Variants in MET observed in about 807,000 individuals in gnomAD.
MET encodes the protein MET proto-oncogene, receptor tyrosine kinase.
A neutral mutation model predicts 133.1 loss-of-function variants in MET; 48 were observed. The observed-to-expected ratio is 0.36, with a 90% CI of 0.29 to 0.46. The LOEUF (loss-of-function observed/expected upper bound fraction) is 0.46. Ranked by LOEUF, MET falls within the 20% of genes least tolerant of loss-of-function variation. MET has a pLI of 1.00. For missense variants in MET, 1,442 were observed against 1,695.9 expected (o/e 0.85, Z 2.63); for synonymous variants, 628 against 616.5 (o/e 1.02, Z -0.28).
chr7:116,693,791 A>G (rs1796860650), intron 1 of MET, among the ~76,000 whole-genome samples: 1 of 152,184 alleles, frequency 6.6e-6, no homozygotes, highest in Non-Finnish European at 1.5e-5. Flanking sequence ...AGTATCTGAC[A>G]CTTAGATGCT....
At chr7:116,768,201 A>T (rs1338333346) in intron 11 of MET, among the ~76,000 whole-genome samples, 2 of 152,122 alleles carry the variant, frequency 1.3e-5, no homozygotes, top group African/African-American at 4.8e-5. Context: ...TAAGTATTGG[A>T]AACACAAATG....
chr7:116,752,047 C>T (rs919050790), intron 5 of MET, among the ~76,000 whole-genome samples: 2 of 151,704 alleles, frequency 1.3e-5, no homozygotes, highest in Admixed American at 6.6e-5. Context: ...GATGACAGAA[C>T]GAGACTCTGT....
chr7:116,698,990 T>C (rs1797061005), intron 1 of MET, 81 bp from the exon 2 acceptor site: 3 of 1,590,686 alleles, frequency 1.9e-6, no homozygotes, highest in Non-Finnish European at 2.6e-6. Flanking sequence ...TTATTTCTGA[T>C]AGATTAAATG....
chr7:116,691,631 C>T (rs1039379981), intron 1 of MET, among the ~76,000 whole-genome samples: 5 of 152,184 alleles, frequency 3.3e-5, no homozygotes, highest in Admixed American at 6.5e-5. Context: ...TGCCTCCCTC[C>T]GTGTCTGGGC....
intron 1 of MET, among the ~76,000 whole-genome samples, chr7:116,680,085 G>C (rs556070899): frequency 1.3e-5 from 2 of 151,736 alleles, no homozygotes; most frequent in African/African-American, 4.8e-5. Context: ...TCTTGAGGGG[G>C]CGGGGGGGTA....
At chr7:116,767,125 G>A (rs894348881) in intron 11 of MET, among the ~76,000 whole-genome samples, 6 of 152,120 alleles carry the variant, frequency 3.9e-5, no homozygotes, top group South Asian at 2.1e-4. Context: ...GACTTGCCCA[G>A]ACCCAGCCTG....
At chr7:116,688,431 C>A (rs779038672) in intron 1 of MET, among the ~76,000 whole-genome samples, 1 of 152,120 alleles carries the variant, frequency 6.6e-6, no homozygotes, top group Non-Finnish European at 1.5e-5. Flanking sequence ...TTAGCACTTT[C>A]TTTACATTGG....
At chr7:116,723,938 T>C (rs1424317470) in intron 2 of MET, among the ~76,000 whole-genome samples, 9 of 152,230 alleles carry the variant, frequency 5.9e-5, no homozygotes, top group African/African-American at 1.7e-4. Context: ...GTCTTTTTGT[T>C]TGTCTGTGCC....
chr7:116,780,544 G>A (rs1795127421), intron 17 of MET, among the ~76,000 whole-genome samples: 1 of 152,130 alleles, frequency 6.6e-6, no homozygotes, highest in Admixed American at 6.6e-5. Flanking sequence ...ACCTTCTCTA[G>A]GGTACTGTTA....
Position 116,782,122 on chromosome 7 carries a change from C to T in MET, c.3632+25C>T, listed in dbSNP as rs1795176147. 4.7e-6 allele frequency: 7 copies of T among 1,475,386 alleles called. No homozygotes were observed. In the East Asian group the frequency reaches 1.6e-4, roughly 33 times the overall value. The allele number at this position is 1,475,386 out of a possible 1,614,324, so 91.4% of individuals were successfully genotyped here. A position where few individuals can be genotyped will look rare whatever the true frequency, so the allele number is the denominator to read the frequency against. On this transcript the variant is annotated intron_variant, in intron 18 of 20. Transcript: ENST00000397752. Reference sequence around the variant, plus strand: ...TGTAAGTATCAGAATCTCTGTGCCACAATCCAAATTAAGTGACAAGGAGGA... The same window carrying T: ...TGTAAGTATCAGAATCTCTGTGCCATAATCCAAATTAAGTGACAAGGAGGA...
In MET at chr7:116,771,618, T is replaced by C. The variant is rs756670611; in HGVS notation, c.2851T>C (p.Phe951Leu). 8 of 1,613,740 alleles carry C rather than the reference T, an allele frequency of 5.0e-6. No homozygotes were observed. In the Admixed American group the frequency reaches 1.2e-4, roughly 24 times the overall value. The change falls in exon 13 of 21, where the codon TTT (phenylalanine) becomes CTT (leucine). Residue 951 changes from phenylalanine to leucine, a missense_variant. Coordinates refer to ENST00000397752, the MANE Select transcript of MET (RefSeq NM_000245.4). Reference protein sequence around the residue: ...ISTALLLLLGFFLWLKKRKQI... With the variant: ...ISTALLLLLGLFLWLKKRKQI... ...AACAGCACTGTTATTACTACTTGGGTTTTTCCTGTGGCTGAAAAAGAGAAA... is the reference window on the plus strand; with the variant it reads ...AACAGCACTGTTATTACTACTTGGGCTTTTCCTGTGGCTGAAAAAGAGAAA...
chr7:116,739,146 C>A (rs879919011), intron 3 of MET, among the ~76,000 whole-genome samples: 2 of 152,184 alleles, frequency 1.3e-5, no homozygotes, highest in African/African-American at 2.4e-5. Context: ...GTAAGATAAT[C>A]ATTTGGATTT....
In MET at chr7:116,699,923, G is replaced by A. The variant is rs770528254; in HGVS notation, c.839G>A (p.Arg280Lys). 1.9e-6 allele frequency: 3 copies of A among 1,614,086 alleles called. No individual in the cohort carries two copies. The highest frequency in any genetic ancestry group is 2.5e-6 in the Non-Finnish European group (3 of 1,179,980). The change falls in exon 2 of 21, where the codon AGG (arginine) becomes AAG (lysine). Residue 280 changes from arginine (R) to lysine (K), a missense_variant. Around this residue, in one of 6 missense-constraint regions of MET, gnomAD observed 762 missense variants for 792.4 expected, o/e 0.96. Transcript: ENST00000397752. ...CAGACTTTTCACACAAGAATAATCA[G>A]GTTCTGTTCCATAAACTCTGGATTG... ...DAQTFHTRII[R>K]FCSINSGLHS... is the part of the protein sequence containing the mutation.
chr7:116,699,403 T>G lies in MET; in HGVS notation c.319T>G (p.Leu107Val), dbSNP rs1791474714. The change falls in exon 2 of 21, where the codon TTA becomes GTA. Residue 107 changes from leucine to valine, a missense_variant. Coordinates refer to ENST00000397752, the MANE Select transcript of MET (RefSeq NM_000245.4). ...PCQDCSSKAN[L>V]SGGVWKDNIN... is the part of the protein sequence containing the mutation. ...TCAGGACTGCAGCAGCAAAGCCAATTTATCAGGAGGTGTTTGGAAAGATAA... is the reference window on the plus strand; with the variant it reads ...TCAGGACTGCAGCAGCAAAGCCAATGTATCAGGAGGTGTTTGGAAAGATAA... 1 of 1,613,898 alleles carries G rather than the reference T, an allele frequency of 6.2e-7. No individual in the cohort carries two copies. Among genetic ancestry groups the G allele is most frequent in the Admixed American group, 1.7e-5 (1 of 59,976 alleles).
chr7:116,727,334 G>C (rs894191835), intron 2 of MET, among the ~76,000 whole-genome samples: 5 of 152,214 alleles, frequency 3.3e-5, no homozygotes, highest in African/African-American at 1.2e-4. Context: ...ACTGGGCACT[G>C]TGACTGAGCC....
Position 116,797,885 on chromosome 7 carries a change from G to A in MET, c.*1761G>A, listed in dbSNP as rs1335435278. On this transcript the variant is annotated 3_prime_UTR_variant, in exon 21 of 21. Coordinates refer to ENST00000397752, the MANE Select transcript of MET (RefSeq NM_000245.4). ...ACACTGAAACTCAATAGTTGAGTTT[G>A]GCTGTTGTTGCAGGAAAATGATTAT... is the stretch of plus-strand genomic sequence containing the variant. The A allele has an allele frequency of 8.9e-6, 2 of 224,524 alleles. No individual in the cohort carries two copies. Among genetic ancestry groups the A allele is most frequent in the Admixed American group, 1.1e-4 (2 of 17,496 alleles). 13.9% of individuals were successfully genotyped at this position (224,524 alleles called of 1,614,324 possible).
At chr7:116,791,270 C>T (rs1254313884) in intron 19 of MET, among the ~76,000 whole-genome samples, 1 of 152,126 alleles carries the variant, frequency 6.6e-6, no homozygotes, top group East Asian at 1.9e-4. Flanking sequence ...TTATGAGAAA[C>T]TGCCAACTAT....
intron 17 of MET, among the ~76,000 whole-genome samples, chr7:116,780,718 T>A (rs1161112192): frequency 6.6e-6 from 1 of 152,204 alleles, no homozygotes; most frequent in East Asian, 1.9e-4. Context: ...CTGTGTGCAT[T>A]GAGTGGGGCT....
rs1382410716 is a variant in MET at position 116,755,369 on chromosome 7, T to A, written c.1716T>A (p.Ser572Arg). 6.2e-7 allele frequency: 1 copy of A among 1,614,118 alleles called. No individual in the cohort carries two copies. The highest frequency in any genetic ancestry group is 1.3e-5 in the African/African-American group (1 of 75,030). ...LPAIYKVFPNSAPLEGGTRLT... is the reference protein window; with the variant it reads ...LPAIYKVFPNRAPLEGGTRLT... ...TGTCCTTGTAGGTTTTCCCAAATAG[T>A]GCACCCCTTGAAGGAGGGACAAGGC... Residue 572 changes from serine to arginine, a missense_variant, in exon 6 of 21, where the codon AGT becomes AGA. Around this residue, in one of 6 missense-constraint regions of MET, gnomAD observed 762 missense variants for 792.4 expected, o/e 0.96. Transcript: ENST00000397752.
Sources: allele counts gnomAD v4.1 joint callset (sites outside exome capture counted in the v4.1 genomes callset), GRCh38; gene constraint gnomAD v4.1.1; regional missense constraint gnomAD v4.1.1; transcripts MANE v1.5; gene names NCBI Gene and HGNC (gene_info 2026-07-23, HGNC 2026-07-21).